The following LRRC8D variants were observed in gnomAD, a reference collection of about 807,000 sequenced individuals.
LRRC8D encodes volume-regulated anion channel subunit LRRC8D.
Under a neutral mutation model 55.8 loss-of-function variants are expected in LRRC8D, and 20 were observed. The observed-to-expected ratio is 0.36, with a 90% confidence interval of 0.25 to 0.52. LRRC8D has a LOEUF of 0.52. Ranked by LOEUF, LRRC8D falls within the 20% of genes least tolerant of loss-of-function variation. The pLI, the probability that LRRC8D is intolerant of heterozygous loss-of-function variation, is 0.93. For missense variants in LRRC8D, 651 were observed against 1,030.8 expected, an observed-to-expected ratio of 0.63 and a Z score of 5.05; for synonymous variants, 352 against 377.0, an observed-to-expected ratio of 0.93 and a Z score of 0.77.
chr1:89,856,532 A>G (rs556291582), intron 2 of LRRC8D, among the ~76,000 whole-genome samples: 17 of 152,350 alleles, frequency 1.1e-4, no homozygotes, highest in African/African-American at 4.1e-4. Flanking sequence ...TTTGTGTCAA[A>G]TAATGTGATT....
At chr1:89,823,563 C>G (rs1394152054) in intron 1 of LRRC8D, among the ~76,000 whole-genome samples, 4 of 152,170 alleles carry the variant, frequency 2.6e-5, no homozygotes, top group Non-Finnish European at 5.9e-5. Context: ...ACTTTGTAAT[C>G]ATGATTATTA....
At chr1:89,907,719 C>G (rs985573687) in intron 2 of LRRC8D, among the ~76,000 whole-genome samples, 2 of 152,138 alleles carry the variant, frequency 1.3e-5, no homozygotes, top group African/African-American at 4.8e-5. Flanking sequence ...CTTTGTGACC[C>G]CACAGCATTT....
chr1:89,867,562 T>A (rs894578188), intron 2 of LRRC8D, among the ~76,000 whole-genome samples: 1 of 152,250 alleles, frequency 6.6e-6, no homozygotes, highest in Non-Finnish European at 1.5e-5. Context: ...ATAATACTGC[T>A]GTGAACATTT....
chr1:89,871,401 C>T (rs1026511394), intron 2 of LRRC8D, among the ~76,000 whole-genome samples: 5 of 152,134 alleles, frequency 3.3e-5, no homozygotes, highest in Admixed American at 6.5e-5. Context: ...TTTTGGTAAC[C>T]GCCTGCGCAT....
chr1:89,883,778 A>C (rs1662340765), intron 2 of LRRC8D, among the ~76,000 whole-genome samples: 1 of 152,250 alleles, frequency 6.6e-6, no homozygotes, highest in African/African-American at 2.4e-5. Flanking sequence ...AATGCAGAGC[A>C]CTGAACGTTC....
At chr1:89,899,357 C>T (rs1480622300) in intron 2 of LRRC8D, among the ~76,000 whole-genome samples, 1 of 152,212 alleles carries the variant, frequency 6.6e-6, no homozygotes, top group Non-Finnish European at 1.5e-5. Flanking sequence ...TCAAATCAGC[C>T]ACATCCAAGT....
chr1:89,933,419 C>T lies in LRRC8D; in HGVS notation c.351C>T (p.Arg117=). 1 of 1,614,094 alleles carries T rather than the reference C, an allele frequency of 6.2e-7. No homozygotes were observed. The highest frequency in any genetic ancestry group is 2.2e-5 in the East Asian group (1 of 44,872). Residue 117 remains arginine, a synonymous_variant, in exon 3 of 3, where the codon CGC becomes CGT. Coordinates refer to ENST00000337338, the MANE Select transcript of LRRC8D (RefSeq NM_001134479.2). The surrounding 1 kb of genome is among the most constrained non-coding windows in gnomAD (Gnocchi z 7.0). ...PDIPLRATYP[R]TDFALPNQEA... ...TACCTCTCAGAGCCACATATCCTCG[C>T]ACAGATTTCGCACTTCCAAATCAGG...
Position 89,933,147 on chromosome 1 carries a change from TTTATGGA to T in LRRC8D, c.83_89del (p.Met28ThrfsTer2). The T allele has an allele frequency of 1.2e-6, 2 of 1,614,172 alleles. No homozygotes were observed. Among genetic ancestry groups the T allele is most frequent in the Non-Finnish European group, 1.7e-6 (2 of 1,180,014 alleles). On this transcript the variant is annotated frameshift_variant, in exon 3 of 3. Transcript: ENST00000337338. LOFTEE classifies it high-confidence loss of function. This position sits in a 1 kb window ranked among gnomAD's most constrained non-coding sequence, Gnocchi z 7.0. ...AATCCTGAAACCATGGTGGGATGTG[TTTATGGA>T]TTACCTAGCTGTTGTTATGTTAATG...
intron 2 of LRRC8D, among the ~76,000 whole-genome samples, chr1:89,901,362 C>CAA: frequency 6.6e-6 from 1 of 152,302 alleles, no homozygotes; most frequent in East Asian, 1.9e-4. Context: ...CATCAGTGGG[C>CAA]AATAGTTTCT....
intron 2 of LRRC8D, among the ~76,000 whole-genome samples, chr1:89,919,887 T>A (rs1663368694): frequency 6.6e-6 from 1 of 152,206 alleles, no homozygotes; most frequent in Non-Finnish European, 1.5e-5. Flanking sequence ...TTAAAGTTTC[T>A]AGTAGAGGGT....
intron 2 of LRRC8D, chr1:89,846,717 G>T (rs192739758): frequency 4.6e-5 from 7 of 151,756 alleles, no homozygotes; most frequent in Non-Finnish European, 7.4e-5. Flanking sequence ...CACTTCCTGT[G>T]TGTCTGTGAC....
intron 2 of LRRC8D, among the ~76,000 whole-genome samples, chr1:89,908,852 A>T (rs1436889295): frequency 6.6e-6 from 1 of 152,206 alleles, no homozygotes; most frequent in Admixed American, 6.5e-5. Context: ...GAAATGAAGG[A>T]TGATAAATCC....
intron 2 of LRRC8D, among the ~76,000 whole-genome samples, chr1:89,926,584 A>G (rs1430166016): frequency 6.6e-6 from 1 of 152,248 alleles, no homozygotes; most frequent in Non-Finnish European, 1.5e-5. Context: ...CAGGCATTGG[A>G]TGATGCGTGG....
intron 2 of LRRC8D, among the ~76,000 whole-genome samples, chr1:89,920,886 T>C (rs964756329): frequency 5.3e-5 from 8 of 152,204 alleles, no homozygotes; most frequent in African/African-American, 1.9e-4. Context: ...AGAGATGGTG[T>C]AGCTCATTAT....
chr1:89,829,322 A>G (rs138777052), intron 1 of LRRC8D, among the ~76,000 whole-genome samples: 36 of 152,344 alleles, frequency 2.4e-4, no homozygotes, highest in African/African-American at 7.9e-4. Flanking sequence ...ATGCATTCTC[A>G]TATAATCCTC....
chr1:89,892,443 G>A (rs1173405527), intron 2 of LRRC8D, among the ~76,000 whole-genome samples: 5 of 152,138 alleles, frequency 3.3e-5, no homozygotes, highest in Admixed American at 6.5e-5. Context: ...CAAGTTCCCC[G>A]CTTGGCATTA....
chr1:89,896,706 A>G (rs900919202), intron 2 of LRRC8D, among the ~76,000 whole-genome samples: 2 of 152,206 alleles, frequency 1.3e-5, no homozygotes, highest in African/African-American at 4.8e-5. Flanking sequence ...GGAAATCGCC[A>G]TATCACACTA....
intron 2 of LRRC8D, among the ~76,000 whole-genome samples, chr1:89,878,178 A>G (rs534096034): frequency 6.6e-6 from 1 of 152,236 alleles, no homozygotes; most frequent in South Asian, 2.1e-4. Context: ...ATCACTTAAA[A>G]ACCTCCCAGA....
intron 2 of LRRC8D, among the ~76,000 whole-genome samples, chr1:89,917,234 C>T (rs990945589): frequency 7.2e-5 from 11 of 152,086 alleles, no homozygotes; most frequent in Admixed American, 2.0e-4. Flanking sequence ...TATTCAATAC[C>T]TTTTCTACCA....
Sources: gnomAD v4.1 joint callset for allele counts (sites outside exome capture counted in the v4.1 genomes callset) on GRCh38, gnomAD v4.1.1 for gene constraint, Gnocchi (gnomAD v3.1) non-coding constraint, MANE v1.5 for transcripts, NCBI Gene and HGNC (gene_info 2026-07-23, HGNC 2026-07-21) for gene names.